ARHGAP10: variants seen among roughly 807,000 people sequenced by gnomAD.
The protein encoded by ARHGAP10 is Rho GTPase activating protein 10, also known as rho GTPase-activating protein 10.
A neutral mutation model predicts 108.6 loss-of-function variants in ARHGAP10; 87 were observed. That is an observed-to-expected ratio of 0.80 (90% CI 0.67 to 0.96). The LOEUF (loss-of-function observed/expected upper bound fraction) is 0.96, where lower values mean the gene tolerates loss of function less well. ARHGAP10 is among the 40% of genes least tolerant of loss of function. The pLI is 0.00. For missense variants in ARHGAP10, 939 were observed against 954.5 expected (o/e 0.98, Z 0.21); for synonymous variants, 347 against 341.1 (o/e 1.02, Z -0.19).
chr4:147,841,700 G>A (rs1260851199), intron 3 of ARHGAP10, among the ~76,000 whole-genome samples: 1 of 152,108 alleles, frequency 6.6e-6, no homozygotes, highest in East Asian at 1.9e-4. Context: ...ACATTTATTG[G>A]CTTCTTTATT....
At chr4:147,795,898 T>G (rs934068104) in intron 1 of ARHGAP10, among the ~76,000 whole-genome samples, 7 of 152,102 alleles carry the variant, frequency 4.6e-5, no homozygotes, top group Admixed American at 1.3e-4. Context: ...TTTCACCATA[T>G]TGGACAAGCT....
At chr4:147,849,841 G>A (rs919401474) in intron 4 of ARHGAP10, among the ~76,000 whole-genome samples, 17 of 152,168 alleles carry the variant, frequency 1.1e-4, no homozygotes, top group African/African-American at 4.1e-4. Flanking sequence ...TGGTTTGGAC[G>A]TATCCCTCCA....
intron 18 of ARHGAP10, 115 bp downstream of exon 18, chr4:147,966,954 C>A: frequency 1.0e-6 from 1 of 992,854 alleles, no homozygotes; most frequent in Non-Finnish European, 1.4e-6. Context: ...TTCTTTCATT[C>A]TCACTGTGAT....
chr4:147,966,942 A>G, intron 18 of ARHGAP10, 103 bp downstream of exon 18: 1 of 1,118,494 alleles, frequency 8.9e-7, no homozygotes, highest in East Asian at 2.8e-5. Flanking sequence ...TGTTTAAAAA[A>G]ATTCTTTCAT....
At chr4:147,938,241 C>T (rs145545739) in intron 13 of ARHGAP10, among the ~76,000 whole-genome samples, 9 of 152,006 alleles carry the variant, frequency 5.9e-5, no homozygotes, top group Admixed American at 2.0e-4. Context: ...GGGAGGGGAT[C>T]AGGAAGAATA....
chr4:147,766,204 C>T (rs901889770), intron 1 of ARHGAP10, among the ~76,000 whole-genome samples: 3 of 151,678 alleles, frequency 2.0e-5, no homozygotes, highest in Non-Finnish European at 2.9e-5. Flanking sequence ...GCAGGAGAAT[C>T]GCTTGACCCT....
At chr4:148,071,638 CAAA>C (rs11393465) in intron 22 of ARHGAP10, among the ~76,000 whole-genome samples, 5 of 150,638 alleles carry the variant, frequency 3.3e-5, no homozygotes, top group Admixed American at 3.3e-4. Context: ...AACAAACAAA[CAAA>C]AAAAAACACA....
intron 13 of ARHGAP10, among the ~76,000 whole-genome samples, chr4:147,917,960 C>T (rs1737057564): frequency 6.6e-6 from 1 of 151,986 alleles, no homozygotes; most frequent in Non-Finnish European, 1.5e-5. Flanking sequence ...AATCAGGCAG[C>T]CTTAGGAGAG....
intron 14 of ARHGAP10, 120 bp downstream of exon 14, chr4:147,940,019 G>T: frequency 1.0e-6 from 1 of 974,398 alleles, no homozygotes. Context: ...ACTTTCTACA[G>T]GAGTTTTCTG....
In ARHGAP10 at chr4:147,878,800, G is replaced by A. The variant is rs113409335; in HGVS notation, c.833-432G>A. 1.4e-3 allele frequency among the ~76,000 whole-genome samples: 176 copies of A among 122,502 alleles called. 1 individual carries two copies. Among genetic ancestry groups the A allele is most frequent in the African/African-American group, 2.2e-3 (62 of 28,828 alleles). The allele number at this position is 122,502 out of a possible 152,430, so 80.4% of individuals were successfully genotyped here. Reference sequence around the variant, plus strand: ...TTTTTTTTTTTTTTTTTTTTGAGTCGGAGTCTCGCTCTGTTGCCCAGGCTG... The same window carrying A: ...TTTTTTTTTTTTTTTTTTTTGAGTCAGAGTCTCGCTCTGTTGCCCAGGCTG... On this transcript the variant is annotated intron_variant, in intron 8 of 22. Coordinates refer to ENST00000336498, the MANE Select transcript of ARHGAP10 (RefSeq NM_024605.4).
At chr4:147,982,024 C>G (rs932914373) in intron 18 of ARHGAP10, among the ~76,000 whole-genome samples, 6 of 152,094 alleles carry the variant, frequency 3.9e-5, no homozygotes, top group African/African-American at 1.2e-4. Flanking sequence ...AATTTGCCAC[C>G]CTATGTCTTT....
At chr4:147,967,686 A>G (rs75350560) in intron 18 of ARHGAP10, among the ~76,000 whole-genome samples, 7,753 of 152,276 alleles carry the variant, frequency 0.051, 206 homozygotes, top group African/African-American at 0.06. Flanking sequence ...TTACGATACA[A>G]CAGAAGAGTC....
chr4:148,010,106 C>CT (rs542731795), intron 18 of ARHGAP10, among the ~76,000 whole-genome samples: 2 of 151,364 alleles, frequency 1.3e-5, no homozygotes, highest in African/African-American at 4.8e-5. Context: ...TTCCCCTCCA[C>CT]TTTTTTTTTG....
intron 19 of ARHGAP10, among the ~76,000 whole-genome samples, chr4:148,026,201 C>T (rs916735588): frequency 1.6e-4 from 24 of 152,152 alleles, no homozygotes; most frequent in African/African-American, 4.8e-4. Flanking sequence ...GAGTATGAAA[C>T]TGTGTGATGT....
At chr4:148,030,658 A>G (rs1262928561) in intron 19 of ARHGAP10, among the ~76,000 whole-genome samples, 3 of 152,190 alleles carry the variant, frequency 2.0e-5, no homozygotes, top group Non-Finnish European at 2.9e-5. Context: ...AATTCTTACC[A>G]GCTGTTGAGG....
intron 22 of ARHGAP10, among the ~76,000 whole-genome samples, chr4:148,071,205 T>C (rs1252713628): frequency 6.6e-6 from 1 of 152,242 alleles, no homozygotes; most frequent in Middle Eastern, 3.2e-3. Context: ...GCAGTTGGGA[T>C]TTCTCTGGAT....
chr4:147,836,495 A>G (rs1168978515), intron 3 of ARHGAP10, among the ~76,000 whole-genome samples: 4 of 152,196 alleles, frequency 2.6e-5, no homozygotes, highest in Admixed American at 1.3e-4. Context: ...TTTCTAGCTT[A>G]TTATGTGAGT....
At chr4:147,828,098 C>T (rs1214991587) in intron 3 of ARHGAP10, among the ~76,000 whole-genome samples, 1 of 152,154 alleles carries the variant, frequency 6.6e-6, no homozygotes, top group African/African-American at 2.4e-5. Context: ...CCACTGTGCC[C>T]ATTCCACTTT....
chr4:147,887,847 G>T (rs1341334043), intron 10 of ARHGAP10, among the ~76,000 whole-genome samples: 1 of 151,302 alleles, frequency 6.6e-6, no homozygotes, highest in East Asian at 1.9e-4. Context: ...GGGCGACAGA[G>T]CGAGACTCCA....
Sources: allele counts gnomAD v4.1 joint callset (sites outside exome capture counted in the v4.1 genomes callset), GRCh38; gene constraint gnomAD v4.1.1; transcripts MANE v1.5; gene names NCBI Gene and HGNC (gene_info 2026-07-23, HGNC 2026-07-21).